ASB5: variants seen among roughly 807,000 people sequenced by gnomAD.
ASB5 encodes the protein ankyrin repeat and SOCS box containing 5.
In ASB5, 45 loss-of-function variants were observed where a neutral mutation model predicts 42.1. That is an observed-to-expected ratio of 1.07 (90% CI 0.84 to 1.37). The LOEUF (loss-of-function observed/expected upper bound fraction) is 1.37. ASB5 is among the 40% of genes most tolerant of loss of function. The pLI, the probability that ASB5 is intolerant of heterozygous loss-of-function variation, is 0.00. For missense variants in ASB5, 402 were observed against 399.8 expected (o/e 1.01, Z -0.05); for synonymous variants, 147 against 150.6 (o/e 0.98, Z 0.18).
intron 5 of ASB5, among the ~76,000 whole-genome samples, chr4:176,218,391 AATATATATTTGTATGATATATAAAT>A (rs1561250147): frequency 6.5e-4 from 16 of 24,694 alleles, no homozygotes; most frequent in African/African-American, 3.1e-3. Flanking sequence ...ATGATATATA[AATATATATTTGTATGATATATAAAT>A]ATATATATTT....
Position 176,232,040 on chromosome 4 carries a change from A to G in ASB5, c.197-6699T>C, listed in dbSNP as rs1426292053. ...TAATTATAAGGAGAGGGAATAAGCAATGACATTTCATATAACATGTTCATT... is the reference window on the plus strand; with the variant it reads ...TAATTATAAGGAGAGGGAATAAGCAGTGACATTTCATATAACATGTTCATT... On this transcript the variant is annotated intron_variant, in intron 1 of 6. Coordinates refer to ENST00000296525, the MANE Select transcript of ASB5 (RefSeq NM_080874.4). 2.6e-5 allele frequency among the ~76,000 whole-genome samples: 4 copies of G among 152,130 alleles called. No individual in the cohort carries two copies. The East Asian group carries it at 7.7e-4, about 29-fold the overall frequency.
intron 1 of ASB5, among the ~76,000 whole-genome samples, chr4:176,260,663 G>A (rs773497053): frequency 3.6e-4 from 55 of 152,020 alleles, no homozygotes; most frequent in Non-Finnish European, 7.5e-4. Context: ...TGTTGTTGCT[G>A]TTGTTTGTTT....
At chr4:176,234,020 T>G (rs1753619141) in intron 1 of ASB5, among the ~76,000 whole-genome samples, 1 of 152,166 alleles carries the variant, frequency 6.6e-6, no homozygotes, top group Non-Finnish European at 1.5e-5. Flanking sequence ...CTCTATCATT[T>G]AAATGTATCC....
At chr4:176,226,953 A>G (rs1753397399) in intron 1 of ASB5, among the ~76,000 whole-genome samples, 1 of 152,254 alleles carries the variant, frequency 6.6e-6, no homozygotes, top group African/African-American at 2.4e-5. Flanking sequence ...CTAGTGCTTA[A>G]GCATTCTATT....
chr4:176,222,509 T>A, intron 2 of ASB5, 89 bp from the exon 3 acceptor site: 1 of 1,207,966 alleles, frequency 8.3e-7, no homozygotes, highest in Non-Finnish European at 1.2e-6. Context: ...TGATATATTT[T>A]AGACATCAAA....
chr4:176,227,770 T>G (rs766229743), intron 1 of ASB5, among the ~76,000 whole-genome samples: 1 of 152,142 alleles, frequency 6.6e-6, no homozygotes, highest in African/African-American at 2.4e-5. Context: ...TGTTGAGAGA[T>G]AGCAATCCTA....
At chr4:176,256,756 T>G (rs938246145) in intron 1 of ASB5, among the ~76,000 whole-genome samples, 1 of 152,068 alleles carries the variant, frequency 6.6e-6, no homozygotes, top group Non-Finnish European at 1.5e-5. Context: ...CTGGGCAACA[T>G]GGTGAAACCC....
intron 1 of ASB5, among the ~76,000 whole-genome samples, chr4:176,244,879 C>T (rs1252683201): frequency 2.6e-5 from 4 of 152,140 alleles, no homozygotes; most frequent in African/African-American, 9.7e-5. Flanking sequence ...GGGAGGATCA[C>T]TTGAGCCCAG....
rs763769101 is a variant in ASB5, at chr4:176,216,953, G to T, written c.727C>A (p.Gln243Lys). The T allele has an allele frequency of 6.2e-7, 1 of 1,613,842 alleles. No individual in the cohort carries two copies. The highest frequency in any genetic ancestry group is 1.1e-5 in the South Asian group (1 of 91,038). The change falls in exon 6 of 7, where the codon CAA (glutamine) becomes AAA (lysine). Residue 243 changes from glutamine (Q) to lysine (K), a missense_variant. Gln to Lys is a moderately conservative substitution (Grantham distance 53). Coordinates refer to ENST00000296525, the MANE Select transcript of ASB5 (RefSeq NM_080874.4). ...AAGTTTACAATTTCTGTGCTGGATT[G>T]TTGAGCAGCAGCATGTAATGGAGTA... ...WDTPLHAAAQQSSTEIVNLLL... is the reference protein window; with the variant it reads ...WDTPLHAAAQKSSTEIVNLLL...
At chr4:176,248,356 A>C (rs766236517) in intron 1 of ASB5, among the ~76,000 whole-genome samples, 1 of 151,960 alleles carries the variant, frequency 6.6e-6, no homozygotes, top group Non-Finnish European at 1.5e-5. Flanking sequence ...TCCTGAGCTC[A>C]AGTGATCCAC....
intron 1 of ASB5, among the ~76,000 whole-genome samples, chr4:176,227,283 CCATT>C (rs1753406905): frequency 6.6e-6 from 1 of 152,110 alleles, no homozygotes; most frequent in Admixed American, 6.5e-5. Context: ...ATAGTAAACA[CCATT>C]CAACATTACC....
chr4:176,236,916 T>A lies in ASB5; in HGVS notation c.197-11575A>T, dbSNP rs1046934855. Among the ~76,000 whole-genome samples, 4 of 152,262 alleles carry A rather than the reference T, an allele frequency of 2.6e-5. No homozygotes were observed. In the South Asian group the frequency reaches 6.2e-4, roughly 24 times the overall value. ...AAGTTGCTCTACTCATTTTCTTGCC[T>A]AAATCATCCTCCTACTTGATGTCTA... On this transcript the variant is annotated intron_variant, in intron 1 of 6. Transcript: ENST00000296525.
At chr4:176,251,892 C>T (rs1373293687) in intron 1 of ASB5, among the ~76,000 whole-genome samples, 2 of 151,226 alleles carry the variant, frequency 1.3e-5, no homozygotes, top group African/African-American at 4.9e-5. Flanking sequence ...ATGGCTAGAT[C>T]CCATCTCCAC....
At chr4:176,236,738 A>G (rs997780800) in intron 1 of ASB5, among the ~76,000 whole-genome samples, 1 of 152,276 alleles carries the variant, frequency 6.6e-6, no homozygotes, top group Non-Finnish European at 1.5e-5. Flanking sequence ...TTTATCATCT[A>G]TCATACTGGT....
At chr4:176,217,152 T>C (rs1429685487) in intron 5 of ASB5, 143 bp from the exon 6 acceptor site, 1 of 635,522 alleles carries the variant, frequency 1.6e-6, no homozygotes, top group Non-Finnish European at 2.7e-6. Context: ...TATTTCTTTA[T>C]ATACATATAC....
intron 1 of ASB5, among the ~76,000 whole-genome samples, chr4:176,238,167 A>G (rs1444718715): frequency 7.0e-6 from 1 of 143,868 alleles, no homozygotes; most frequent in African/African-American, 2.6e-5. Flanking sequence ...AGATTGTACC[A>G]CTGCACTCCA....
In ASB5 at chr4:176,215,027, CA is replaced by C. The variant is rs1399522720; in HGVS notation, c.*572del. The C allele has an allele frequency of 1.6e-5, 2 of 126,094 alleles. No individual in the cohort carries two copies. The highest frequency in any genetic ancestry group is 6.3e-5 in the African/African-American group (2 of 31,606). 7.8% of individuals were successfully genotyped at this position (126,094 alleles called of 1,614,324 possible). On this transcript the variant is annotated 3_prime_UTR_variant, in exon 7 of 7. Transcript: ENST00000296525. The stretch of plus-strand genomic sequence containing the variant: ...GAGAAGTGACTTGTGAGTCCTTTGC[CA>C]GGGGTAAGTGGGGGAGAGGGGGGCA...
chr4:176,246,175 A>C (rs1753908837), intron 1 of ASB5, among the ~76,000 whole-genome samples: 1 of 152,162 alleles, frequency 6.6e-6, no homozygotes, highest in Admixed American at 6.5e-5. Context: ...AATTGGAAGA[A>C]GTGGGGGAAA....
intron 1 of ASB5, chr4:176,237,287 T>C (rs1753709241): frequency 2.5e-5 from 25 of 985,852 alleles, no homozygotes; most frequent in Non-Finnish European, 3.0e-5. Context: ...ATGGCTGCTA[T>C]ACTAACCTTG....
Sources: allele counts gnomAD v4.1 joint callset (sites outside exome capture counted in the v4.1 genomes callset), GRCh38; gene constraint gnomAD v4.1.1; transcripts MANE v1.5; gene names NCBI Gene and HGNC (gene_info 2026-07-23, HGNC 2026-07-21).